Variants in BABAM2 observed in about 807,000 individuals in gnomAD.
BABAM2 encodes BRISC and BRCA1 A complex member 2.
In BABAM2, 31 loss-of-function variants were observed where a neutral mutation model predicts 54.7. The observed-to-expected ratio is 0.57, with a 90% CI of 0.43 to 0.77. The LOEUF is 0.77. Among genes scored for constraint, BABAM2 ranks in the 30% least tolerant of loss-of-function variants. The pLI is 0.00. For synonymous variants in BABAM2, 167 were observed against 162.9 expected (o/e 1.03, Z -0.19); for missense variants, 364 against 455.8 (o/e 0.80, Z 1.83).
intron 10 of BABAM2, among the ~76,000 whole-genome samples, chr2:28,266,317 A>T (rs144657172): frequency 2.0e-5 from 3 of 152,282 alleles, no homozygotes; most frequent in African/African-American, 7.2e-5. Flanking sequence ...GAAAAGTAGC[A>T]TATTACATAC....
rs187995832 is a variant in BABAM2 at position 27,991,908 on chromosome 2, T to C, written c.300+3821T>C. Among the ~76,000 whole-genome samples, 120 of 152,356 alleles carry C rather than the reference T, an allele frequency of 7.9e-4. 1 individual carries two copies. In the Middle Eastern group the frequency reaches 0.01, roughly 13 times the overall value. ...ATTGCAGGGTCAAATGGTAACTCTA[T>C]GTTTAACTTTTTGAGGAAATACCAA... On this transcript the variant is annotated intron_variant, in intron 4 of 11. Coordinates refer to ENST00000379624, the MANE Select transcript of BABAM2 (RefSeq NM_199191.3).
chr2:27,998,607 A>G (rs1226784423), intron 4 of BABAM2, among the ~76,000 whole-genome samples: 7 of 152,174 alleles, frequency 4.6e-5, no homozygotes, highest in Non-Finnish European at 8.8e-5. Context: ...GGAAGATAAA[A>G]GATGTATCTC....
intron 5 of BABAM2, among the ~76,000 whole-genome samples, chr2:28,036,661 T>C (rs570234356): frequency 6.6e-6 from 1 of 152,346 alleles, no homozygotes; most frequent in South Asian, 2.1e-4. Context: ...GAGAAAATTC[T>C]GTGGGTATTA....
chr2:27,904,733 G>A (rs1312355166), intron 2 of BABAM2, among the ~76,000 whole-genome samples: 1 of 152,176 alleles, frequency 6.6e-6, no homozygotes, highest in Non-Finnish European at 1.5e-5. Context: ...CAATATGTCT[G>A]TTGGGCCAAC....
chr2:28,077,825 A>G (rs1052581330), intron 6 of BABAM2, among the ~76,000 whole-genome samples: 4 of 152,186 alleles, frequency 2.6e-5, no homozygotes, highest in African/African-American at 9.7e-5. Context: ...AGACAGGACA[A>G]TGTTGAACAT....
intron 2 of BABAM2, among the ~76,000 whole-genome samples, chr2:27,905,067 A>T (rs1666094153): frequency 1.3e-5 from 2 of 152,246 alleles, no homozygotes. Flanking sequence ...ATTGGCATAT[A>T]TGAAAGCAAA....
chr2:28,147,632 C>T (rs1235201211), intron 7 of BABAM2, among the ~76,000 whole-genome samples: 1 of 152,018 alleles, frequency 6.6e-6, no homozygotes, highest in Admixed American at 6.6e-5. Flanking sequence ...CGCCACCACG[C>T]CCGGCTAATT....
At chr2:28,249,087 GTTTTTTT>G (rs367887351) in intron 10 of BABAM2, among the ~76,000 whole-genome samples, 3 of 129,592 alleles carry the variant, frequency 2.3e-5, no homozygotes, top group Non-Finnish European at 3.3e-5. Context: ...TTGTTTGCTT[GTTTTTTT>G]TTTTTTTTTT....
At chr2:28,300,720 G>A (rs1444658609) in intron 11 of BABAM2, among the ~76,000 whole-genome samples, 2 of 152,140 alleles carry the variant, frequency 1.3e-5, no homozygotes, top group Admixed American at 6.5e-5. Context: ...CCACAAGCCC[G>A]TGATTTCAGT....
At chr2:28,130,047 G>A (rs936756564) in intron 7 of BABAM2, among the ~76,000 whole-genome samples, 4 of 152,304 alleles carry the variant, frequency 2.6e-5, no homozygotes, top group Admixed American at 6.5e-5. Flanking sequence ...TACTTCAAAG[G>A]AAGCTGAGGT....
Position 27,929,818 on chromosome 2 carries a change from T to C in BABAM2, c.129-14T>C. The C allele has an allele frequency of 1.2e-6, 2 of 1,610,374 alleles. No individual in the cohort carries two copies. Among genetic ancestry groups the C allele is most frequent in the African/African-American group, 1.3e-5 (1 of 74,892 alleles). The stretch of plus-strand genomic sequence containing the variant: ...AAAAATCTTTTCTTTCTTCTGTTTC[T>C]GCATTTTTTAAAGCTGCACATCATT... On this transcript the variant is annotated splice_polypyrimidine_tract_variant and intron_variant, in intron 2 of 11. Coordinates refer to ENST00000379624, the MANE Select transcript of BABAM2 (RefSeq NM_199191.3).
At chr2:28,069,355 C>T (rs1663911631) in intron 6 of BABAM2, among the ~76,000 whole-genome samples, 1 of 152,182 alleles carries the variant, frequency 6.6e-6, no homozygotes. Flanking sequence ...ACATGCCAAG[C>T]ACTGCACTAG....
At chr2:28,140,544 A>G (rs1573666514) in intron 7 of BABAM2, among the ~76,000 whole-genome samples, 1 of 152,350 alleles carries the variant, frequency 6.6e-6, no homozygotes, top group South Asian at 2.1e-4. Context: ...GGTAAAAAAT[A>G]AATTTCAAAA....
intron 2 of BABAM2, among the ~76,000 whole-genome samples, chr2:27,909,620 C>T (rs1336423159): frequency 2.6e-5 from 4 of 152,136 alleles, no homozygotes; most frequent in African/African-American, 9.7e-5. Flanking sequence ...CTCTAGCCTG[C>T]CCCTCTGTTA....
rs148118300 is a variant in BABAM2, at chr2:28,311,593, G to T, written c.1088+13102G>T. ...GTGGCCTGGGAGTCAAGTGACCTGG[G>T]TCTCATCTAGGGACCATTATTAATT... On this transcript the variant is annotated intron_variant, in intron 11 of 11. Transcript: ENST00000379624. Among the ~76,000 whole-genome samples, 805 of 152,268 alleles carry T rather than the reference G, an allele frequency of 5.3e-3. 13 individuals are homozygous for T. Among genetic ancestry groups the T allele is most frequent in the South Asian group, 0.048 (233 of 4,828 alleles).
chr2:28,072,496 C>T (rs898001054), intron 6 of BABAM2, among the ~76,000 whole-genome samples: 1 of 152,162 alleles, frequency 6.6e-6, no homozygotes, highest in Admixed American at 6.5e-5. Context: ...TGCCATTCTC[C>T]TGCCTCAGCC....
chr2:27,964,515 T>G (rs1487278704), intron 3 of BABAM2, among the ~76,000 whole-genome samples: 3 of 152,194 alleles, frequency 2.0e-5, no homozygotes, highest in African/African-American at 7.2e-5. Context: ...AGTCTTGTGC[T>G]GGATTAGCAA....
At chr2:28,333,750 C>T (rs1249365285) in intron 11 of BABAM2, among the ~76,000 whole-genome samples, 1 of 152,216 alleles carries the variant, frequency 6.6e-6, no homozygotes, top group Non-Finnish European at 1.5e-5. Flanking sequence ...CACTCAGGGC[C>T]CTCTCCTGTG....
At chr2:28,076,701 T>G (rs11902880) in intron 6 of BABAM2, among the ~76,000 whole-genome samples, 6,742 of 151,944 alleles carry the variant, frequency 0.044, 487 homozygotes, top group African/African-American at 0.15. Flanking sequence ...AGAGGCAGGG[T>G]TTCACCATGT....
Sources: allele counts gnomAD v4.1 joint callset (sites outside exome capture counted in the v4.1 genomes callset), GRCh38; gene constraint gnomAD v4.1.1; transcripts MANE v1.5; gene names NCBI Gene and HGNC (gene_info 2026-07-23, HGNC 2026-07-21).